The following PDE4D variants were observed in gnomAD, a reference collection of about 807,000 sequenced individuals.
PDE4D encodes the protein phosphodiesterase 4D, also known as 3',5'-cyclic-AMP phosphodiesterase 4D.
PDE4D carries 24 observed loss-of-function variants against 87.4 expected under a neutral mutation model. The ratio of observed to expected loss-of-function variants is 0.27; its 90% CI spans 0.20 to 0.39. The LOEUF is 0.39. Ranked by LOEUF, PDE4D falls within the 10% of genes least tolerant of loss-of-function variation. The probability of loss-of-function intolerance (pLI) is 1.00; values close to 1 mark genes in which losing one functional copy is unlikely to be tolerated. For synonymous variants in PDE4D, 384 were observed against 383.2 expected (o/e 1.00, Z -0.02); for missense variants, 714 against 1,041.0 (o/e 0.69, Z 4.32).
At chr5:59,577,759 A>T (rs1823417313) in intron 1 of PDE4D, among the ~76,000 whole-genome samples, 3 of 152,154 alleles carry the variant, frequency 2.0e-5, no homozygotes, top group Admixed American at 2.0e-4. Flanking sequence ...AGATGAAAGG[A>T]ATTCATAATA....
At chr5:60,295,237 G>C (rs1364718692) in intron 1 of PDE4D, among the ~76,000 whole-genome samples, 1 of 152,170 alleles carries the variant, frequency 6.6e-6, no homozygotes, top group Non-Finnish European at 1.5e-5. Flanking sequence ...ATTGGTTCAA[G>C]TCCCCTTTAT....
At chr5:59,527,859 G>A (rs1813437350) in intron 1 of PDE4D, among the ~76,000 whole-genome samples, 1 of 152,174 alleles carries the variant, frequency 6.6e-6, no homozygotes, top group Admixed American at 6.5e-5. Flanking sequence ...ACCAATGACA[G>A]CCTTCTCTGA....
rs867423530 is a variant in PDE4D, at chr5:59,210,934, C to T, written c.647+4843G>A. ...TTGCTAATTCTCCTCTTAATCTTTGCAATGTATCATAACTTTATGTGTTTC... is the reference window on the plus strand; with the variant it reads ...TTGCTAATTCTCCTCTTAATCTTTGTAATGTATCATAACTTTATGTGTTTC... On this transcript the variant is annotated intron_variant, in intron 2 of 14. Coordinates refer to ENST00000340635, the MANE Select transcript of PDE4D (RefSeq NM_001104631.2). 1.4e-4 allele frequency among the ~76,000 whole-genome samples: 22 copies of T among 152,268 alleles called. 1 individual carries two copies. In the Middle Eastern group the frequency reaches 0.021, roughly 142 times the overall value.
At chr5:59,412,193 T>C (rs6883834) in intron 1 of PDE4D, among the ~76,000 whole-genome samples, 25,808 of 152,186 alleles carry the variant, frequency 0.17, 2,923 homozygotes, top group African/African-American at 0.31. Flanking sequence ...TTTCAAGGGT[T>C]GTACTAATGC....
chr5:59,929,375 T>TA (rs1044702237), intron 3 of PDE4D, among the ~76,000 whole-genome samples: 10 of 152,122 alleles, frequency 6.6e-5, no homozygotes, highest in Non-Finnish European at 1.2e-4. Flanking sequence ...CCCACTTTTT[T>TA]AAAAAAACCA....
intron 1 of PDE4D, among the ~76,000 whole-genome samples, chr5:59,573,997 C>A (rs1258840581): frequency 1.2e-3 from 106 of 86,946 alleles, no homozygotes; most frequent in East Asian, 1.4e-3. Flanking sequence ...GACTCTGTCT[C>A]AAAAAAAAAT....
At chr5:59,001,815 A>G (rs1461375732) in intron 6 of PDE4D, among the ~76,000 whole-genome samples, 1 of 152,216 alleles carries the variant, frequency 6.6e-6, no homozygotes, top group African/African-American at 2.4e-5. Context: ...TAGTATAATT[A>G]CTTCCATTTC....
chr5:59,034,847 G>A (rs1007186950), intron 6 of PDE4D, among the ~76,000 whole-genome samples: 4 of 152,194 alleles, frequency 2.6e-5, no homozygotes, highest in African/African-American at 9.7e-5. Context: ...TTCCAGCCAT[G>A]CCAAACCTCA....
intron 1 of PDE4D, among the ~76,000 whole-genome samples, chr5:60,508,158 C>T (rs936371517): frequency 2.6e-5 from 4 of 152,224 alleles, no homozygotes; most frequent in Non-Finnish European, 5.9e-5. Context: ...GTTGTAGACA[C>T]CTACTCTATG....
chr5:59,678,748 A>G (rs982174421), intron 1 of PDE4D, among the ~76,000 whole-genome samples: 3 of 152,182 alleles, frequency 2.0e-5, no homozygotes, highest in Non-Finnish European at 4.4e-5. Context: ...GGTGTGAGCC[A>G]CCGCACCTGG....
chr5:59,833,551 T>G (rs2152700346), intron 1 of PDE4D, among the ~76,000 whole-genome samples: 1 of 151,982 alleles, frequency 6.6e-6, no homozygotes, highest in Non-Finnish European at 1.5e-5. Context: ...AGCCATTGGG[T>G]TTACTGAGTT....
chr5:59,925,628 C>T (rs1032859306), intron 3 of PDE4D, among the ~76,000 whole-genome samples: 2 of 151,994 alleles, frequency 1.3e-5, no homozygotes, highest in African/African-American at 2.4e-5. Context: ...AAATGCACTT[C>T]GCTGATAAAG....
At chr5:59,099,284 T>C (rs922843129) in intron 5 of PDE4D, among the ~76,000 whole-genome samples, 6 of 152,276 alleles carry the variant, frequency 3.9e-5, no homozygotes, top group African/African-American at 1.4e-4. Flanking sequence ...AGAATTCAGA[T>C]CCTTGATCTA....
chr5:59,776,726 A>G (rs910502625), intron 1 of PDE4D, among the ~76,000 whole-genome samples: 1 of 152,180 alleles, frequency 6.6e-6, no homozygotes, highest in Non-Finnish European at 1.5e-5. Flanking sequence ...TCACTGTTAC[A>G]TAATAAGTCA....
chr5:59,273,017 G>C (rs1434001535), intron 1 of PDE4D, among the ~76,000 whole-genome samples: 1 of 152,132 alleles, frequency 6.6e-6, no homozygotes, highest in African/African-American at 2.4e-5. Context: ...TAGACCAATG[G>C]AACACAAAAT....
At chr5:60,183,253 A>C (rs976783444) in intron 2 of PDE4D, among the ~76,000 whole-genome samples, 9 of 152,188 alleles carry the variant, frequency 5.9e-5, no homozygotes, top group Non-Finnish European at 1.3e-4. Flanking sequence ...TAAGCCACCT[A>C]GTCTATGGTA....
At chr5:60,487,553 C>T (rs929705204) in intron 1 of PDE4D, among the ~76,000 whole-genome samples, 1 of 152,182 alleles carries the variant, frequency 6.6e-6, no homozygotes. Flanking sequence ...GCTGCTTGCT[C>T]TCAGTTTTGG....
intron 1 of PDE4D, among the ~76,000 whole-genome samples, chr5:59,551,734 T>G (rs1029472888): frequency 2.6e-5 from 4 of 152,208 alleles, no homozygotes; most frequent in African/African-American, 9.7e-5. Flanking sequence ...TTGAAATACT[T>G]TATTAAAATC....
At chr5:60,196,274 C>A (rs895591759) in intron 1 of PDE4D, among the ~76,000 whole-genome samples, 2 of 151,590 alleles carry the variant, frequency 1.3e-5, no homozygotes, top group African/African-American at 2.4e-5. Flanking sequence ...ACTTTTCTCC[C>A]AGGATTCCAT....
Sources: allele counts gnomAD v4.1 joint callset (sites outside exome capture counted in the v4.1 genomes callset), GRCh38; gene constraint gnomAD v4.1.1; transcripts MANE v1.5; gene names NCBI Gene and HGNC (gene_info 2026-07-23, HGNC 2026-07-21).